The following GALNT17 variants were observed in gnomAD, a reference collection of about 807,000 sequenced individuals.
GALNT17 encodes the protein UDP-GalNAc:polypeptide N-acetylgalactosaminyltransferase-like 3.
GALNT17 carries 29 observed loss-of-function variants against 63.7 expected under a neutral mutation model. The observed-to-expected ratio is 0.46, with a 90% confidence interval of 0.34 to 0.62. GALNT17 has a LOEUF of 0.62. Among genes scored for constraint, GALNT17 ranks in the 20% least tolerant of loss-of-function variants. The probability of loss-of-function intolerance (pLI) is 0.01; values close to 1 mark genes in which losing one functional copy is unlikely to be tolerated. For missense variants in GALNT17, 603 were observed against 799.6 expected, an observed-to-expected ratio of 0.75 and a Z score of 2.97; for synonymous variants, 305 against 318.3, an observed-to-expected ratio of 0.96 and a Z score of 0.45.
At chr7:71,395,050 C>T (rs140969001) in intron 3 of GALNT17, among the ~76,000 whole-genome samples, 67 of 152,086 alleles carry the variant, frequency 4.4e-4, no homozygotes, top group East Asian at 2.7e-3. Context: ...TGCATTGAGC[C>T]GAGATCATGC....
intron 6 of GALNT17, among the ~76,000 whole-genome samples, chr7:71,647,735 C>G (rs1790700400): frequency 6.6e-6 from 1 of 152,224 alleles, no homozygotes; most frequent in Admixed American, 6.5e-5. Flanking sequence ...CATACACATT[C>G]TCCAAGCCTC....
At chr7:71,626,729 C>T (rs1020405004) in intron 6 of GALNT17, among the ~76,000 whole-genome samples, 1 of 152,182 alleles carries the variant, frequency 6.6e-6, no homozygotes, top group African/African-American at 2.4e-5. Flanking sequence ...TGGGCATCTT[C>T]AGGGTAGAAC....
rs571417756 is a variant in GALNT17, at chr7:71,192,754, T to C, written c.238+59714T>C. ...GAAAATCATTGTAACATTTTTCACT[T>C]TTGCCTGCAACATATGAGAGTTCCG... On this transcript the variant is annotated intron_variant, in intron 1 of 10. Coordinates refer to ENST00000333538, the MANE Select transcript of GALNT17 (RefSeq NM_022479.3). Among the ~76,000 whole-genome samples, 24 of 152,310 alleles carry C rather than the reference T, an allele frequency of 1.6e-4. No homozygotes were observed. The South Asian group carries it at 4.6e-3, about 29-fold the overall frequency.
At chr7:71,609,852 A>G (rs1790099341) in intron 6 of GALNT17, among the ~76,000 whole-genome samples, 1 of 152,178 alleles carries the variant, frequency 6.6e-6, no homozygotes, top group South Asian at 2.1e-4. Context: ...AGTAGGTTTT[A>G]TTCATTCTTA....
intron 5 of GALNT17, among the ~76,000 whole-genome samples, chr7:71,557,846 G>A (rs975412553): frequency 6.6e-6 from 1 of 151,960 alleles, no homozygotes; most frequent in African/African-American, 2.4e-5. Flanking sequence ...GCCAAAGCAG[G>A]CGGATCACTT....
At chr7:71,636,640 T>C (rs1379704412) in intron 6 of GALNT17, among the ~76,000 whole-genome samples, 19 of 152,196 alleles carry the variant, frequency 1.2e-4, no homozygotes, top group Non-Finnish European at 2.8e-4. Flanking sequence ...GAAGGAGTTT[T>C]CCGGGTAGAC....
At chr7:71,480,452 ATCC>A in intron 5 of GALNT17, among the ~76,000 whole-genome samples, 1 of 152,150 alleles carries the variant, frequency 6.6e-6, no homozygotes, top group East Asian at 1.9e-4. Flanking sequence ...CATACGTGGC[ATCC>A]TCTGCAATGC....
chr7:71,463,589 C>G (rs986087174), intron 5 of GALNT17, among the ~76,000 whole-genome samples: 2 of 152,284 alleles, frequency 1.3e-5, no homozygotes, highest in South Asian at 4.1e-4. Context: ...GTGGCATGGG[C>G]TGCTAGACTG....
intron 4 of GALNT17, among the ~76,000 whole-genome samples, chr7:71,417,930 C>T (rs1033627651): frequency 1.3e-5 from 2 of 152,140 alleles, no homozygotes; most frequent in Admixed American, 6.5e-5. Context: ...CTATCTTGAC[C>T]ACCACTCTCC....
chr7:71,134,059 T>C (rs1352223708), intron 1 of GALNT17, among the ~76,000 whole-genome samples: 1 of 152,232 alleles, frequency 6.6e-6, no homozygotes, highest in Non-Finnish European at 1.5e-5. Context: ...CACTGTATGT[T>C]CACATCTGTC....
chr7:71,538,068 T>A (rs183990381), intron 5 of GALNT17, among the ~76,000 whole-genome samples: 1 of 152,262 alleles, frequency 6.6e-6, no homozygotes, highest in Non-Finnish European at 1.5e-5. Context: ...ATATAAGCCA[T>A]CCAGTTTGTG....
chr7:71,459,878 A>C (rs977445963), intron 5 of GALNT17, among the ~76,000 whole-genome samples: 2 of 152,190 alleles, frequency 1.3e-5, no homozygotes, highest in African/African-American at 4.8e-5. Context: ...TGGTCTCCAC[A>C]ATGTTTTATT....
At chr7:71,619,370 A>T (rs1169622841) in intron 6 of GALNT17, among the ~76,000 whole-genome samples, 1 of 152,116 alleles carries the variant, frequency 6.6e-6, no homozygotes, top group Non-Finnish European at 1.5e-5. Context: ...TGAATCTGTA[A>T]ATTGCTTTTG....
chr7:71,513,366 T>TTTTTTTTG (rs967765002), intron 5 of GALNT17, among the ~76,000 whole-genome samples: 1 of 151,426 alleles, frequency 6.6e-6, no homozygotes, highest in Non-Finnish European at 1.5e-5. Flanking sequence ...CCCTTGGTGT[T>TTTTTTTTG]TTTTTTTGTT....
chr7:71,240,224 T>A (rs543249301), intron 1 of GALNT17, among the ~76,000 whole-genome samples: 4 of 152,354 alleles, frequency 2.6e-5, no homozygotes, highest in Admixed American at 2.0e-4. Flanking sequence ...TTGTCAATTG[T>A]ATTTAGATGA....
chr7:71,328,113 G>A (rs575771114), intron 1 of GALNT17, among the ~76,000 whole-genome samples: 14 of 152,274 alleles, frequency 9.2e-5, no homozygotes, highest in Non-Finnish European at 1.5e-4. Context: ...ATTTGATATG[G>A]TTGCAGTAGG....
intron 8 of GALNT17, 22 bp from the exon 9 acceptor site, chr7:71,677,189 C>G (rs375050317): frequency 3.5e-5 from 57 of 1,612,440 alleles, no homozygotes; most frequent in Admixed American, 2.7e-4. Context: ...TCTCATGGGT[C>G]GTGTTTTGTC....
At chr7:71,426,618 C>A (rs548477394) in intron 5 of GALNT17, among the ~76,000 whole-genome samples, 208 of 152,204 alleles carry the variant, frequency 1.4e-3, no homozygotes, top group Middle Eastern at 3.4e-3. Flanking sequence ...TGGGAGCTGA[C>A]ACATCTCACG....
intron 9 of GALNT17, among the ~76,000 whole-genome samples, chr7:71,678,649 G>T (rs1326878633): frequency 2.6e-5 from 4 of 151,896 alleles, no homozygotes; most frequent in African/African-American, 9.7e-5. Context: ...CAAAAAATTA[G>T]CTGGGCGTGG....
Sources: gnomAD v4.1 joint callset for allele counts (sites outside exome capture counted in the v4.1 genomes callset) on GRCh38, gnomAD v4.1.1 for gene constraint, MANE v1.5 for transcripts, NCBI Gene and HGNC (gene_info 2026-07-23, HGNC 2026-07-21) for gene names.